ACACB: variants seen among roughly 807,000 people sequenced by gnomAD.
ACACB encodes acetyl-CoA carboxylase 2.
ACACB carries 209 observed loss-of-function variants against 278.8 expected under a neutral mutation model. The ratio of observed to expected loss-of-function variants is 0.75; its 90% CI spans 0.67 to 0.84. The LOEUF is 0.84. ACACB is among the 40% of genes least tolerant of loss of function. ACACB has a pLI of 0.00. For missense variants in ACACB, 2,850 were observed against 3,269.0 expected, an observed-to-expected ratio of 0.87 and a Z score of 3.13; for synonymous variants, 1,174 against 1,285.6, an observed-to-expected ratio of 0.91 and a Z score of 1.86.
Position 109,151,462 on chromosome 12 carries a change from T to TC in ACACB, c.653+11411dup, listed in dbSNP as rs531202607. On this transcript the variant is annotated intron_variant, in intron 2 of 52. Transcript: ENST00000338432. ...CTGCTCTATACTTAATGTAACACAG[T>TC]CCCCCCCACCCCATATATTGAAAGA... 2.0e-4 allele frequency among the ~76,000 whole-genome samples: 31 copies of TC among 151,294 alleles called. No homozygotes were observed. In the East Asian group the frequency reaches 5.1e-3, roughly 25 times the overall value.
chr12:109,112,263 C>A (rs1000265843), upstream of ACACB, among the ~76,000 whole-genome samples: 1 of 145,834 alleles, frequency 6.9e-6, no homozygotes, highest in African/African-American at 2.6e-5. Flanking sequence ...TATGTATATT[C>A]AATATATATG....
intron 29 of ACACB, among the ~76,000 whole-genome samples, chr12:109,233,436 C>T (rs1421712655): frequency 6.6e-6 from 1 of 152,094 alleles, no homozygotes; most frequent in African/African-American, 2.4e-5. Context: ...CTAGGATCTC[C>T]CAGCCAGTAA....
At chr12:109,247,482 G>T in intron 39 of ACACB, 124 bp from the exon 40 acceptor site, 1 of 706,072 alleles carries the variant, frequency 1.4e-6, no homozygotes, top group South Asian at 1.7e-5. Context: ...GTGTTAATGT[G>T]TCATTGACAT....
intron 47 of ACACB, 128 bp downstream of exon 47, chr12:109,259,236 C>A: frequency 1.7e-6 from 2 of 1,202,710 alleles, no homozygotes; most frequent in Non-Finnish European, 2.3e-6. Flanking sequence ...CCCAACAACC[C>A]TGAGGAGAAA....
chr12:109,245,064 TG>T (rs1476776092), intron 37 of ACACB, among the ~76,000 whole-genome samples: 1 of 151,730 alleles, frequency 6.6e-6, no homozygotes, highest in Non-Finnish European at 1.5e-5. Context: ...CCAGGTGTGG[TG>T]GTGCCTCAAC....
At chr12:109,262,597 A>C in intron 49 of ACACB, 128 bp downstream of exon 49, 1 of 597,140 alleles carries the variant, frequency 1.7e-6, no homozygotes, top group Admixed American at 3.0e-5. Flanking sequence ...TAACTGTGAG[A>C]TTTTTAAAGA....
chr12:109,234,174 C>T (rs2046564092), intron 31 of ACACB, 129 bp downstream of exon 31: 7 of 753,692 alleles, frequency 9.3e-6, no homozygotes, highest in Non-Finnish European at 1.6e-5. Flanking sequence ...GCTTCCCACT[C>T]TAGCTCTGCT....
rs1241044249 is a variant in ACACB at position 109,219,430 on chromosome 12, G to GC, written c.3564+2514dup. Reference sequence around the variant, plus strand: ...AGACTTAAAAAATACAATTGCCCATGCCCCACCCTTGGTCAATTTAATCAG... The same window carrying GC: ...AGACTTAAAAAATACAATTGCCCATGCCCCCACCCTTGGTCAATTTAATCAG... On this transcript the variant is annotated intron_variant, in intron 24 of 52. Coordinates refer to ENST00000338432, the MANE Select transcript of ACACB (RefSeq NM_001093.4). Among the ~76,000 whole-genome samples the GC allele has an allele frequency of 3.3e-5, 5 of 152,096 alleles. No individual in the cohort carries two copies. In the East Asian group the frequency reaches 9.6e-4, roughly 29 times the overall value.
rs575360795 is a variant in ACACB, at chr12:109,160,289, C to T, written c.654-6572C>T. Among the ~76,000 whole-genome samples the T allele has an allele frequency of 9.7e-4, 147 of 152,194 alleles. No homozygotes were observed. In the Middle Eastern group the frequency reaches 0.01, roughly 11 times the overall value. On this transcript the variant is annotated intron_variant, in intron 2 of 52. Transcript: ENST00000338432. ...AGGTCAGCTAGAGTTGGATTTGAAA[C>T]GGGGCTCTGCCACTTGCCAGCTGTG... is the stretch of plus-strand genomic sequence containing the variant.
intron 31 of ACACB, among the ~76,000 whole-genome samples, chr12:109,234,834 C>T (rs2046587454): frequency 1.3e-5 from 2 of 151,212 alleles, no homozygotes; most frequent in South Asian, 4.2e-4. Context: ...ACTTAGAGGA[C>T]AGGTCGGTAG....
intron 11 of ACACB, among the ~76,000 whole-genome samples, chr12:109,181,964 C>T (rs566982189): frequency 1.7e-4 from 26 of 149,406 alleles, no homozygotes; most frequent in African/African-American, 6.1e-4. Context: ...CTGCCTCAGC[C>T]TCCTGAGTAG....
intron 11 of ACACB, among the ~76,000 whole-genome samples, chr12:109,181,118 A>G (rs552701919): frequency 9.2e-5 from 14 of 151,510 alleles, no homozygotes; most frequent in Non-Finnish European, 1.6e-4. Context: ...ATTTAACATA[A>G]TGTTCTCCAG....
intron 1 of ACACB, among the ~76,000 whole-genome samples, chr12:109,138,260 A>G (rs953497414): frequency 1.3e-5 from 2 of 152,226 alleles, no homozygotes; most frequent in African/African-American, 2.4e-5. Flanking sequence ...AGTAGGGCAG[A>G]GTTAGGGTGA....
At chr12:109,156,705 A>G (rs918563063) in intron 2 of ACACB, among the ~76,000 whole-genome samples, 3 of 151,876 alleles carry the variant, frequency 2.0e-5, no homozygotes, top group African/African-American at 7.3e-5. Flanking sequence ...TGGTCCATAA[A>G]CATTCATGCA....
At chr12:109,265,052 A>G (rs2047477053) in intron 50 of ACACB, 58 bp from the exon 51 acceptor site, 1 of 1,551,464 alleles carries the variant, frequency 6.4e-7, no homozygotes, top group Admixed American at 1.8e-5. Context: ...GTGTGGTCAG[A>G]GCCAGTGTCC....
At chr12:109,178,905 G>A (rs2044365049) in intron 9 of ACACB, among the ~76,000 whole-genome samples, 183 bp from the exon 10 acceptor site, 1 of 152,302 alleles carries the variant, frequency 6.6e-6, no homozygotes, top group Non-Finnish European at 1.5e-5. Context: ...CCTCGTTACT[G>A]TGGAGTCGGG....
In ACACB at chr12:109,246,269, C is replaced by G. The variant is rs368377350; in HGVS notation, c.5392C>G (p.Arg1798Gly). ...VIVIGNDITF[R>G]IGSFGPGEDL... is the part of the protein sequence containing the mutation. ...CGTCATCGGCAATGACATCACCTTT[C>G]GCATTGGATCCTTTGGCCCTGGAGA... Residue 1798 changes from arginine to glycine, a missense_variant, in exon 39 of 53, where the codon CGC becomes GGC. Around this residue, in one of 3 missense-constraint regions of ACACB, gnomAD observed 2,265 missense variants for 2,561.3 expected, o/e 0.88. Coordinates refer to ENST00000338432, the MANE Select transcript of ACACB (RefSeq NM_001093.4). 1.2e-6 allele frequency: 2 copies of G among 1,613,306 alleles called. No individual in the cohort carries two copies. The highest frequency in any genetic ancestry group is 2.7e-5 in the African/African-American group (2 of 74,728).
intron 28 of ACACB, among the ~76,000 whole-genome samples, chr12:109,228,759 G>C (rs1288139635): frequency 1.3e-5 from 2 of 152,054 alleles, no homozygotes; most frequent in Non-Finnish European, 1.5e-5. Context: ...TGTCATGGTA[G>C]AAAGTTCTAG....
intron 24 of ACACB, among the ~76,000 whole-genome samples, chr12:109,220,524 A>C (rs529671953): frequency 6.6e-6 from 1 of 152,320 alleles, no homozygotes; most frequent in South Asian, 2.1e-4. Flanking sequence ...TTAACAAGAA[A>C]GAAAAATGGT....
Sources: allele counts gnomAD v4.1 joint callset (sites outside exome capture counted in the v4.1 genomes callset), GRCh38; gene constraint gnomAD v4.1.1; regional missense constraint gnomAD v4.1.1; transcripts MANE v1.5; gene names NCBI Gene and HGNC (gene_info 2026-07-23, HGNC 2026-07-21).